The following NAV3 variants were observed in gnomAD, a reference collection of about 807,000 sequenced individuals.
The protein encoded by NAV3 is neuron navigator 3.
Under a neutral mutation model 244.7 loss-of-function variants are expected in NAV3, and 87 were observed. The observed-to-expected ratio is 0.36, with a 90% confidence interval of 0.30 to 0.42. NAV3 has a LOEUF of 0.42. NAV3 is among the 20% of genes least tolerant of loss of function. The probability of loss-of-function intolerance (pLI) is 1.00; values close to 1 mark genes in which losing one functional copy is unlikely to be tolerated. For synonymous variants in NAV3, 1,126 were observed against 1,042.2 expected, an observed-to-expected ratio of 1.08 and a Z score of -1.55; for missense variants, 2,663 against 2,893.3, an observed-to-expected ratio of 0.92 and a Z score of 1.83.
At chr12:77,601,487 T>C (rs570874563) in intron 2 of NAV3, among the ~76,000 whole-genome samples, 63 of 152,106 alleles carry the variant, frequency 4.1e-4, no homozygotes, top group Non-Finnish European at 7.4e-4. Context: ...CCTTGAACTT[T>C]TGAAGAGACT....
At chr12:77,707,014 T>C (rs916020459) in intron 2 of NAV3, among the ~76,000 whole-genome samples, 2 of 151,532 alleles carry the variant, frequency 1.3e-5, no homozygotes, top group South Asian at 4.2e-4. Flanking sequence ...ACGAAATTCC[T>C]ACTTCCTCTT....
At position 78,179,453 on chromosome 12, in the gene NAV3, GC is replaced by G. The variant is rs1373745359; in HGVS notation, c.5364-74del. On this transcript the variant is annotated intron_variant, in intron 28 of 39. Transcript: ENST00000397909. ...ACCTGCTGGAGAATATTGCAGTGCA[GC>G]CTTTAAAAGAGGCAGTGCTTTTCTT... The G allele has an allele frequency of 2.6e-6, 4 of 1,561,722 alleles. No individual in the cohort carries two copies. The African/African-American group carries it at 5.5e-5, about 21-fold the overall frequency.
chr12:77,944,098 C>A (rs1040803504), intron 3 of NAV3, among the ~76,000 whole-genome samples: 3 of 151,502 alleles, frequency 2.0e-5, no homozygotes, highest in African/African-American at 7.3e-5. Flanking sequence ...TAGGCGAGAA[C>A]AAAAACGACT....
intron 2 of NAV3, among the ~76,000 whole-genome samples, chr12:77,681,586 A>G (rs11106248): frequency 0.03 from 4,525 of 152,236 alleles, 219 homozygotes; most frequent in African/African-American, 0.1. Flanking sequence ...GGAACCACAA[A>G]CCGTGCAGTG....
chr12:78,182,179 G>A (rs1306897822), intron 30 of NAV3, among the ~76,000 whole-genome samples: 1 of 152,022 alleles, frequency 6.6e-6, no homozygotes, highest in Non-Finnish European at 1.5e-5. Context: ...AAATAAGACT[G>A]TGGAAGTGGA....
At chr12:77,842,277 G>A (rs1592753674) in intron 1 of NAV3, among the ~76,000 whole-genome samples, 1 of 152,022 alleles carries the variant, frequency 6.6e-6, no homozygotes, top group East Asian at 1.9e-4. Context: ...GCTCACTGTG[G>A]TCTGTTTCCC....
At chr12:77,939,424 C>T (rs563039064) in intron 1 of NAV3, among the ~76,000 whole-genome samples, 1 of 152,212 alleles carries the variant, frequency 6.6e-6, no homozygotes, top group East Asian at 1.9e-4. Context: ...TTCTTCTATT[C>T]TCATTTCAAA....
chr12:78,204,327 C>G (rs1259595491), intron 38 of NAV3, among the ~76,000 whole-genome samples: 1 of 151,904 alleles, frequency 6.6e-6, no homozygotes, highest in Non-Finnish European at 1.5e-5. Context: ...GCACGTTGTG[C>G]ACATGTACCC....
intron 9 of NAV3, among the ~76,000 whole-genome samples, chr12:78,042,885 C>T (rs1260812828): frequency 2.0e-5 from 3 of 152,034 alleles, no homozygotes; most frequent in African/African-American, 7.2e-5. Context: ...CTCAAGTATT[C>T]TGAGTACACC....
At chr12:78,024,619 C>T in intron 9 of NAV3, among the ~76,000 whole-genome samples, 1 of 152,120 alleles carries the variant, frequency 6.6e-6, no homozygotes, top group Non-Finnish European at 1.5e-5. Flanking sequence ...TAATAGCTCC[C>T]TCCCAACCAA....
At chr12:77,926,503 T>C (rs995906903) in intron 1 of NAV3, among the ~76,000 whole-genome samples, 3 of 150,560 alleles carry the variant, frequency 2.0e-5, no homozygotes, top group Non-Finnish European at 3.0e-5. Flanking sequence ...TAGATAGATA[T>C]AGATATAGAT....
chr12:77,609,479 G>A (rs1377791174), intron 2 of NAV3, among the ~76,000 whole-genome samples: 1 of 152,036 alleles, frequency 6.6e-6, no homozygotes, highest in East Asian at 1.9e-4. Context: ...TGTTTGAAGA[G>A]CATTGTATCT....
intron 2 of NAV3, among the ~76,000 whole-genome samples, chr12:77,681,712 G>T (rs1194872632): frequency 2.6e-5 from 4 of 152,018 alleles, no homozygotes; most frequent in African/African-American, 9.7e-5. Context: ...AATCTTAAGT[G>T]TATGCTTTGA....
At chr12:78,195,009 T>C (rs1487465303) in intron 34 of NAV3, among the ~76,000 whole-genome samples, 15 of 152,104 alleles carry the variant, frequency 9.9e-5, no homozygotes, top group Non-Finnish European at 1.6e-4. Flanking sequence ...TTGTTATATA[T>C]GTATATGCCT....
At chr12:78,084,698 A>T (rs1953537691) in intron 12 of NAV3, among the ~76,000 whole-genome samples, 1 of 151,986 alleles carries the variant, frequency 6.6e-6, no homozygotes, top group Non-Finnish European at 1.5e-5. Flanking sequence ...AATCCACTCC[A>T]TTCAGTGTTT....
At chr12:78,025,802 C>T (rs1403705393) in intron 9 of NAV3, among the ~76,000 whole-genome samples, 1 of 152,086 alleles carries the variant, frequency 6.6e-6, no homozygotes, top group South Asian at 2.1e-4. Flanking sequence ...CTTGTTTATG[C>T]TCTCACCATA....
intron 4 of NAV3, among the ~76,000 whole-genome samples, chr12:77,967,814 A>G (rs2137973484): frequency 6.6e-6 from 1 of 152,240 alleles, no homozygotes; most frequent in Middle Eastern, 3.4e-3. Context: ...TGCTTATTCA[A>G]TTATGTTATC....
intron 4 of NAV3, among the ~76,000 whole-genome samples, chr12:77,967,413 A>C (rs755616669): frequency 9.9e-5 from 15 of 152,108 alleles, no homozygotes; most frequent in Non-Finnish European, 2.2e-4. Context: ...TATGACGAAA[A>C]CTATGAGAAA....
chr12:78,077,556 TG>T (rs1283940925), intron 12 of NAV3, among the ~76,000 whole-genome samples: 1 of 152,256 alleles, frequency 6.6e-6, no homozygotes, highest in African/African-American at 2.4e-5. Context: ...AAATCTTAAC[TG>T]TTAGACTCTT....
Sources: gnomAD v4.1 joint callset for allele counts (sites outside exome capture counted in the v4.1 genomes callset) on GRCh38, gnomAD v4.1.1 for gene constraint, MANE v1.5 for transcripts, NCBI Gene and HGNC (gene_info 2026-07-23, HGNC 2026-07-21) for gene names.